The following ZMYND11 variants were observed in gnomAD, a reference collection of about 807,000 sequenced individuals.
ZMYND11 encodes zinc finger MYND domain-containing protein 11.
In ZMYND11, 9 loss-of-function variants were observed where a neutral mutation model predicts 84.9. The observed-to-expected ratio is 0.11, with a 90% CI of 0.06 to 0.18. The LOEUF is 0.18. Among genes scored for constraint, ZMYND11 ranks in the 10% least tolerant of loss-of-function variants. The pLI is 1.00. For synonymous variants in ZMYND11, 250 were observed against 244.1 expected (o/e 1.02, Z -0.23); for missense variants, 409 against 761.0 (o/e 0.54, Z 5.44).
Position 252,460 on chromosome 10 carries a change from G to A in ZMYND11, c.1799G>A (p.Arg600Gln). 1 of 1,611,394 alleles carries A rather than the reference G, an allele frequency of 6.2e-7. No individual in the cohort carries two copies. The highest frequency in any genetic ancestry group is 8.5e-7 in the Non-Finnish European group (1 of 1,179,764). The change falls in exon 15 of 15, where the codon CGG (arginine) becomes CAG (glutamine). Residue 600 changes from arginine to glutamine, a missense_variant. Around this residue, in one of 7 missense-constraint regions of ZMYND11, gnomAD observed 16 missense variants for 57.7 expected, o/e 0.28. Transcript: ENST00000381604. This position sits in a 1 kb window ranked among gnomAD's most constrained non-coding sequence, Gnocchi z 4.6. ...GCGGAGCACAAGCGCACCTGCCGCC[G>A]GAAAAGATGAAGCTGGCCCTTCCCG... ...WHAEHKRTCR[R>Q]KR
chr10:251,414 T>C (rs1953466449), intron 14 of ZMYND11, among the ~76,000 whole-genome samples: 3 of 152,164 alleles, frequency 2.0e-5, no homozygotes, highest in Non-Finnish European at 2.9e-5. Flanking sequence ...TGGATAATAA[T>C]GCACACAATA....
chr10:138,911 T>G (rs556989412), intron 1 of ZMYND11, among the ~76,000 whole-genome samples: 1 of 152,332 alleles, frequency 6.6e-6, no homozygotes, highest in African/African-American at 2.4e-5. Flanking sequence ...TGGCACAATC[T>G]TGGCTCACTG....
upstream of ZMYND11, among the ~76,000 whole-genome samples, chr10:132,845 G>A (rs1217176950): frequency 2.0e-5 from 3 of 152,134 alleles, no homozygotes; most frequent in East Asian, 3.9e-4. Context: ...ACAGCTCCCC[G>A]ACAGCTCTGA....
At chr10:153,027 T>C (rs542432800) in intron 1 of ZMYND11, among the ~76,000 whole-genome samples, 1 of 152,218 alleles carries the variant, frequency 6.6e-6, no homozygotes, top group Non-Finnish European at 1.5e-5. Context: ...TGTGTAACTT[T>C]TGGTGTAAGC....
intron 2 of ZMYND11, chr10:197,811 T>C: frequency 2.5e-6 from 1 of 400,552 alleles, no homozygotes; most frequent in Non-Finnish European, 4.5e-6. Flanking sequence ...TATTGTTATG[T>C]AATAAACAAT....
At chr10:207,347 T>C (rs1480569505) in intron 2 of ZMYND11, among the ~76,000 whole-genome samples, 4 of 152,342 alleles carry the variant, frequency 2.6e-5, no homozygotes, top group East Asian at 3.9e-4. Context: ...CCTTTGGGTA[T>C]ATACCCACTA....
chr10:198,939 A>G (rs1212098815), intron 2 of ZMYND11, among the ~76,000 whole-genome samples: 1 of 152,182 alleles, frequency 6.6e-6, no homozygotes, highest in Admixed American at 6.5e-5. Flanking sequence ...TATGCACACC[A>G]AGCTCTTTCC....
At chr10:140,655 T>G (rs1171188698) in intron 1 of ZMYND11, among the ~76,000 whole-genome samples, 1 of 152,252 alleles carries the variant, frequency 6.6e-6, no homozygotes, top group Non-Finnish European at 1.5e-5. Flanking sequence ...GATTTTTATC[T>G]CAGGTTTCTT....
In ZMYND11 at chr10:135,915, G is replaced by A. The variant is rs1554751917; in HGVS notation, c.-20+356G>A. Among the ~76,000 whole-genome samples the A allele has an allele frequency of 6.6e-6, 1 of 151,594 alleles. No homozygotes were observed. The highest frequency in any genetic ancestry group is 2.4e-5 in the African/African-American group (1 of 41,448). Reference sequence around the variant, plus strand: ...CGGAGTCGCGTGAGCACCGCCCGCCGGGCCCTGTGCCCCGCTTTCGGTCAG... The same window carrying A: ...CGGAGTCGCGTGAGCACCGCCCGCCAGGCCCTGTGCCCCGCTTTCGGTCAG... On this transcript the variant is annotated intron_variant, in intron 1 of 14. Transcript: ENST00000381604. The surrounding 1 kb of genome is among the most constrained non-coding windows in gnomAD (Gnocchi z 5.6).
intron 1 of ZMYND11, among the ~76,000 whole-genome samples, chr10:149,214 A>G (rs1464078263): frequency 1.3e-5 from 2 of 151,798 alleles, no homozygotes; most frequent in Non-Finnish European, 2.9e-5. Flanking sequence ...GTGAGACCAC[A>G]CACTCCCTTT....
At chr10:163,715 T>C (rs1554762849) in intron 1 of ZMYND11, among the ~76,000 whole-genome samples, 1 of 152,138 alleles carries the variant, frequency 6.6e-6, no homozygotes, top group African/African-American at 2.4e-5. Context: ...ATGTGTCCTC[T>C]TTCTTTATTG....
intron 1 of ZMYND11, among the ~76,000 whole-genome samples, chr10:172,301 A>G (rs191795146): frequency 6.6e-6 from 1 of 152,356 alleles, no homozygotes; most frequent in African/African-American, 2.4e-5. Context: ...ATTGGGAAAA[A>G]AGAAATAAAA....
chr10:249,028 A>C lies in ZMYND11; in HGVS notation c.1626A>C (p.Glu542Asp). Residue 542 changes from glutamate to aspartate, a missense_variant, in exon 14 of 15, where the codon GAA (glutamate) becomes GAC (aspartate). Glu to Asp is a conservative substitution (Grantham distance 45, BLOSUM62 2). Around this residue, in one of 7 missense-constraint regions of ZMYND11, gnomAD observed 141 missense variants for 173.8 expected, o/e 0.81. Coordinates refer to ENST00000381604, the MANE Select transcript of ZMYND11 (RefSeq NM_001370100.5). Reference sequence around the variant, plus strand: ...AGTGTAAGGAAGAATTTGTAGAAGAAATCAAGAAGCTGGCAACACAGCACA... The same window carrying C: ...AGTGTAAGGAAGAATTTGTAGAAGACATCAAGAAGCTGGCAACACAGCACA... ...KEKCKEEFVEEIKKLATQHKQ... is the reference protein window; with the variant it reads ...KEKCKEEFVEDIKKLATQHKQ... 6.2e-7 allele frequency: 1 copy of C among 1,614,242 alleles called. No homozygotes were observed. The highest frequency in any genetic ancestry group is 1.3e-5 in the African/African-American group (1 of 75,066).
chr10:178,669 T>C (rs1847186399), intron 1 of ZMYND11, among the ~76,000 whole-genome samples: 1 of 152,236 alleles, frequency 6.6e-6, no homozygotes, highest in Non-Finnish European at 1.5e-5. Context: ...AATACTGGTA[T>C]TGTTTTTGAA....
At chr10:241,510 CTCCTTTCA>C (rs944494746) in intron 9 of ZMYND11, among the ~76,000 whole-genome samples, 2 of 151,908 alleles carry the variant, frequency 1.3e-5, no homozygotes, top group African/African-American at 2.4e-5. Flanking sequence ...ATTTTTGTTT[CTCCTTTCA>C]TCCTTTCACA....
chr10:160,278 A>T (rs782117460), intron 1 of ZMYND11, among the ~76,000 whole-genome samples: 7 of 152,252 alleles, frequency 4.6e-5, no homozygotes, highest in Non-Finnish European at 1.0e-4. Context: ...TAAGTGTGCA[A>T]CAACAGTTAT....
At chr10:224,499 A>G (rs960090079) in intron 4 of ZMYND11, among the ~76,000 whole-genome samples, 19 of 152,322 alleles carry the variant, frequency 1.2e-4, no homozygotes, top group African/African-American at 3.4e-4. Flanking sequence ...TCACACTTTT[A>G]CTGAGATCTC....
chr10:146,441 T>G (rs1554755323), intron 1 of ZMYND11, among the ~76,000 whole-genome samples: 1 of 152,226 alleles, frequency 6.6e-6, no homozygotes, highest in East Asian at 1.9e-4. Context: ...GCATTGAATC[T>G]ATAGAGTGTT....
At chr10:213,708 A>G (rs1311822223) in intron 3 of ZMYND11, among the ~76,000 whole-genome samples, 1 of 152,150 alleles carries the variant, frequency 6.6e-6, no homozygotes, top group Non-Finnish European at 1.5e-5. Context: ...GATACTTTGT[A>G]TCAGCAAAGA....
Sources: gnomAD v4.1 joint callset for allele counts (sites outside exome capture counted in the v4.1 genomes callset) on GRCh38, gnomAD v4.1.1 for gene constraint, gnomAD v4.1.1 regional missense constraint, Gnocchi (gnomAD v3.1) non-coding constraint, MANE v1.5 for transcripts, NCBI Gene and HGNC (gene_info 2026-07-23, HGNC 2026-07-21) for gene names.